The following ZRANB1 variants were observed in gnomAD, a reference collection of about 807,000 sequenced individuals.
ZRANB1 encodes the protein ubiquitin thioesterase ZRANB1.
Under a neutral mutation model 80.5 loss-of-function variants are expected in ZRANB1, and 16 were observed. The observed-to-expected ratio is 0.20, with a 90% CI of 0.13 to 0.30. The LOEUF (loss-of-function observed/expected upper bound fraction) is 0.30, where lower values mean the gene tolerates loss of function less well. Among genes scored for constraint, ZRANB1 ranks in the 10% least tolerant of loss-of-function variants. ZRANB1 has a pLI of 1.00. For missense variants in ZRANB1, 576 were observed against 862.6 expected (o/e 0.67, Z 4.16); for synonymous variants, 291 against 293.1 (o/e 0.99, Z 0.07).
intron 1 of ZRANB1, among the ~76,000 whole-genome samples, chr10:124,962,067 T>G (rs1951738407): frequency 6.6e-6 from 1 of 152,238 alleles, no homozygotes; most frequent in South Asian, 2.1e-4. Context: ...TCATTAGTTT[T>G]GAAAGAGTTT....
the ZRANB1 span, chr10:124,917,347 G>A: frequency 6.6e-6 from 1 of 150,618 alleles, no homozygotes; most frequent in Non-Finnish European, 1.5e-5. Context: ...AGGTTGCCGG[G>A]CCTCACGGGC....
intron 1 of ZRANB1, among the ~76,000 whole-genome samples, chr10:124,964,818 C>G (rs952945159): frequency 2.6e-5 from 4 of 152,138 alleles, no homozygotes; most frequent in South Asian, 2.1e-4. Context: ...AGGGAAAGGT[C>G]GTTGCCTTCA....
chr10:124,947,308 A>C (rs145028681), intron 1 of ZRANB1, among the ~76,000 whole-genome samples: 32 of 152,306 alleles, frequency 2.1e-4, no homozygotes, highest in African/African-American at 7.5e-4. Context: ...TAGGTACATC[A>C]GGTTTTTAGG....
the ZRANB1 span, among the ~76,000 whole-genome samples, chr10:124,927,558 G>A: frequency 5.4e-4 from 82 of 152,154 alleles, no homozygotes; most frequent in African/African-American, 1.9e-3. Context: ...AACTTTTTGT[G>A]GAATACTATC....
At chr10:124,938,042 A>G (rs1052017900), upstream of ZRANB1, among the ~76,000 whole-genome samples, 6 of 152,228 alleles carry the variant, frequency 3.9e-5, no homozygotes, top group Non-Finnish European at 7.3e-5. Context: ...TTTGCATGCA[A>G]AATTAAACTT....
the ZRANB1 span, among the ~76,000 whole-genome samples, chr10:124,922,306 TATATATATGTAAAATATATGTATATA>T: frequency 2.3e-5 from 2 of 86,130 alleles, no homozygotes; most frequent in Admixed American, 3.1e-4. Flanking sequence ...GTAAAATATA[TATATATATGTAAAATATATGTATATA>T]TATATTTTTT....
upstream of ZRANB1, among the ~76,000 whole-genome samples, chr10:124,939,190 GTGT>G (rs1274871334): frequency 2.7e-5 from 4 of 148,758 alleles, no homozygotes; most frequent in African/African-American, 7.6e-5. Flanking sequence ...AACAAAAATC[GTGT>G]TTTTTTTTTT....
At chr10:124,969,140 C>T (rs1951799540) in intron 2 of ZRANB1, among the ~76,000 whole-genome samples, 1 of 152,194 alleles carries the variant, frequency 6.6e-6, no homozygotes, top group African/African-American at 2.4e-5. Flanking sequence ...GCTGGTTTTA[C>T]CCCCAACAAG....
At chr10:124,931,611 T>G in the ZRANB1 span, among the ~76,000 whole-genome samples, 1 of 152,112 alleles carries the variant, frequency 6.6e-6, no homozygotes, top group African/African-American at 2.4e-5. Flanking sequence ...TCTCTGGTGA[T>G]CTGCCCACCT....
At position 124,974,251 on chromosome 10, in the gene ZRANB1, G is replaced by A. The variant is rs149298208; in HGVS notation, c.1280G>A (p.Arg427His). 1.9e-6 allele frequency: 3 copies of A among 1,614,220 alleles called. No homozygotes were observed. Among genetic ancestry groups the A allele is most frequent in the Admixed American group, 1.7e-5 (1 of 60,032 alleles). ...IINWSLELAT[R>H]LDSRLYALWN... is the part of the protein sequence containing the mutation. ...AACTGGTCCTTGGAATTGGCTACAC[G>A]TTTGGACAGTCGACTGTATGCACTT... Residue 427 changes from arginine (R) to histidine (H), a missense_variant, in exon 5 of 9, where the codon CGT becomes CAT. Coordinates refer to ENST00000359653, the MANE Select transcript of ZRANB1 (RefSeq NM_017580.3).
chr10:124,968,978 G>A (rs1476411192), intron 2 of ZRANB1, among the ~76,000 whole-genome samples: 1 of 152,180 alleles, frequency 6.6e-6, no homozygotes, highest in Admixed American at 6.5e-5. Flanking sequence ...ATGATGTCAT[G>A]AGGTTGCAGT....
chr10:124,922,340 T>A, the ZRANB1 span, among the ~76,000 whole-genome samples: 363 of 60,748 alleles, frequency 6.0e-3, 4 homozygotes, highest in African/African-American at 0.013. Flanking sequence ...ATATATATTT[T>A]TTTTTTAATA....
At chr10:124,958,310 G>A (rs1951703309) in intron 1 of ZRANB1, among the ~76,000 whole-genome samples, 1 of 152,184 alleles carries the variant, frequency 6.6e-6, no homozygotes, top group African/African-American at 2.4e-5. Flanking sequence ...TCCCAGGTAT[G>A]TGAGGCTGAG....
chr10:124,982,259 G>C (rs1317794508), intron 6 of ZRANB1, among the ~76,000 whole-genome samples: 1 of 152,158 alleles, frequency 6.6e-6, no homozygotes, highest in African/African-American at 2.4e-5. Flanking sequence ...GTAGGTACTT[G>C]CATTGCTGTT....
In ZRANB1 at chr10:124,942,960, C is replaced by T. The variant is rs774990174; in HGVS notation, c.467C>T (p.Ser156Phe). 1.2e-6 allele frequency: 2 copies of T among 1,614,216 alleles called. No homozygotes were observed. The highest frequency in any genetic ancestry group is 1.1e-5 in the South Asian group (1 of 91,084). The change falls in exon 1 of 9, where the codon TCT becomes TTT. Residue 156 changes from serine to phenylalanine, a missense_variant. Ser to Phe is a radical substitution (Grantham distance 155, BLOSUM62 -2). Coordinates refer to ENST00000359653, the MANE Select transcript of ZRANB1 (RefSeq NM_017580.3). ...ACTAGGACACAGCACTGGACTTGCT[C>T]TGTTTGCACATATGAAAACTGGGCC... ...LNTRTQHWTC[S>F]VCTYENWAKA...
intron 1 of ZRANB1, among the ~76,000 whole-genome samples, chr10:124,964,933 A>G (rs1265101319): frequency 6.6e-6 from 1 of 152,244 alleles, no homozygotes; most frequent in African/African-American, 2.4e-5. Context: ...CTACCAGACT[A>G]TACTTAATTG....
Position 124,973,706 on chromosome 10 carries a change from C to A in ZRANB1, c.1218C>A (p.Asp406Glu), listed in dbSNP as rs751833567. ...EKLFDEVLDR[D>E]VQKELEEESP... ...TATTTGATGAGGTGCTTGATAGAGA[C>A]GTTCAAAAAGGTAAGCATGGAATTA... The change falls in exon 4 of 9, where the codon GAC (aspartate) becomes GAA (glutamate). Residue 406 changes from aspartate (D) to glutamate (E), a missense_variant. This residue lies in a region of ZRANB1 where 411 missense variants were observed against 583.1 expected (regional missense o/e 0.70). Transcript: ENST00000359653. 1 of 1,611,398 alleles carries A rather than the reference C, an allele frequency of 6.2e-7. No homozygotes were observed. Among genetic ancestry groups the A allele is most frequent in the Non-Finnish European group, 8.5e-7 (1 of 1,179,192 alleles).
At chr10:124,923,390 G>A in the ZRANB1 span, among the ~76,000 whole-genome samples, 1 of 151,424 alleles carries the variant, frequency 6.6e-6, no homozygotes, top group Non-Finnish European at 1.5e-5. Context: ...TCAGGAGTTC[G>A]AGACCAACCT....
intron 1 of ZRANB1, among the ~76,000 whole-genome samples, chr10:124,955,221 AG>A (rs890546886): frequency 5.6e-5 from 5 of 88,640 alleles, no homozygotes; most frequent in African/African-American, 1.1e-4. Context: ...TTACATTAAA[AG>A]GTTTTTTTTT....
Sources: allele counts gnomAD v4.1 joint callset (sites outside exome capture counted in the v4.1 genomes callset), GRCh38; gene constraint gnomAD v4.1.1; regional missense constraint gnomAD v4.1.1; transcripts MANE v1.5; gene names NCBI Gene and HGNC (gene_info 2026-07-23, HGNC 2026-07-21).